The following STK33 variants were observed in gnomAD, a reference collection of about 807,000 sequenced individuals.
STK33 encodes the protein serine/threonine kinase 33, also known as serine/threonine-protein kinase 33.
A neutral mutation model predicts 58.0 loss-of-function variants in STK33; 52 were observed. The observed-to-expected ratio is 0.90, with a 90% CI of 0.72 to 1.13. The LOEUF (loss-of-function observed/expected upper bound fraction) is 1.13. Among genes scored for constraint, STK33 ranks in the 50% most tolerant of loss-of-function variants. The pLI is 0.00. For synonymous variants in STK33, 215 were observed against 200.1 expected (o/e 1.07, Z -0.63); for missense variants, 630 against 604.2 (o/e 1.04, Z -0.45).
chr11:8,491,081 C>A (rs1168008314), intron 1 of STK33, among the ~76,000 whole-genome samples: 1 of 152,152 alleles, frequency 6.6e-6, no homozygotes, highest in African/African-American at 2.4e-5. Context: ...CAAAGCTGGA[C>A]AGACAATGAT....
chr11:8,364,774 A>T, the STK33 span, among the ~76,000 whole-genome samples: 1 of 152,144 alleles, frequency 6.6e-6, no homozygotes, highest in African/African-American at 2.4e-5. Context: ...GCCACAATTT[A>T]TTTATCCCTT....
intron 14 of STK33, among the ~76,000 whole-genome samples, chr11:8,428,146 CA>C (rs1942995835): frequency 6.6e-6 from 1 of 152,170 alleles, no homozygotes; most frequent in South Asian, 2.1e-4. Context: ...TAAAGTACAC[CA>C]AAAGTATCAG....
At chr11:8,421,643 CTGAA>C (rs1341156153) in intron 14 of STK33, among the ~76,000 whole-genome samples, 5 of 152,184 alleles carry the variant, frequency 3.3e-5, no homozygotes, top group Non-Finnish European at 5.9e-5. Flanking sequence ...TGTATTTGCA[CTGAA>C]TATGTATATC....
chr11:8,392,658 A>C lies in STK33; in HGVS notation c.1397T>G (p.Met466Arg). 6.2e-7 allele frequency: 1 copy of C among 1,614,224 alleles called. No individual in the cohort carries two copies. Among genetic ancestry groups the C allele is most frequent in the Non-Finnish European group, 8.5e-7 (1 of 1,180,050 alleles). Reference sequence around the variant, plus strand: ...GCTAGATGTGAAACTTGAACTGCACATATCAAAGTTGTCCTTACTGGTTGC... The same window carrying C: ...GCTAGATGTGAAACTTGAACTGCACCTATCAAAGTTGTCCTTACTGGTTGC... Reference protein sequence around the residue: ...FPATSKDNFDMCSSSFTSSKL... With the variant: ...FPATSKDNFDRCSSSFTSSKL... The change falls in exon 16 of 16, where the codon ATG (methionine) becomes AGG (arginine). Residue 466 changes from methionine (M) to arginine (R), a missense_variant. Met to Arg is a moderately conservative substitution (Grantham distance 91, BLOSUM62 -1). Transcript: ENST00000687296.
At chr11:8,533,116 C>G (rs552868768) in intron 1 of STK33, among the ~76,000 whole-genome samples, 1 of 152,138 alleles carries the variant, frequency 6.6e-6, no homozygotes, top group Non-Finnish European at 1.5e-5. Flanking sequence ...TGAAAATGTC[C>G]TTATTGTCAA....
At position 8,457,448 on chromosome 11, in the gene STK33, T is replaced by A; in HGVS notation, c.590A>T (p.Asp197Val). 2 of 1,603,618 alleles carry A rather than the reference T, an allele frequency of 1.2e-6. No individual in the cohort carries two copies. Among genetic ancestry groups the A allele is most frequent in the African/African-American group, 2.7e-5 (2 of 74,924 alleles). ...KMYLVMELCE[D>V]GELKEILDRK... ...ATCCAGAATTTCTTTGAGTTCTCCATCCTCACAAAGCTCCATCACAAGGTA... is the reference window on the plus strand; with the variant it reads ...ATCCAGAATTTCTTTGAGTTCTCCAACCTCACAAAGCTCCATCACAAGGTA... Residue 197 changes from aspartate (D) to valine (V), a missense_variant, in exon 9 of 16, where the codon GAT (aspartate) becomes GTT (valine). By Grantham distance (152) the Asp-to-Val change is radical. Coordinates refer to ENST00000687296, the MANE Select transcript of STK33 (RefSeq NM_001352389.2).
intron 12 of STK33, among the ~76,000 whole-genome samples, chr11:8,439,307 A>AAT (rs1401032151): frequency 1.3e-5 from 2 of 152,080 alleles, no homozygotes; most frequent in Non-Finnish European, 2.9e-5. Context: ...AAACAGATAC[A>AAT]ATATATATAA....
chr11:8,543,358 C>A (rs1002532245), intron 1 of STK33, among the ~76,000 whole-genome samples: 1 of 152,076 alleles, frequency 6.6e-6, no homozygotes, highest in Admixed American at 6.6e-5. Flanking sequence ...GATAAACCAA[C>A]GTATTTCAAA....
At chr11:8,362,839 CCTCT>C in the STK33 span, among the ~76,000 whole-genome samples, 2 of 151,758 alleles carry the variant, frequency 1.3e-5, no homozygotes, top group African/African-American at 2.4e-5. Context: ...TCCCTCCATC[CCTCT>C]CTTTCTGCCT....
chr11:8,385,868 G>A, the STK33 span, among the ~76,000 whole-genome samples: 9 of 151,586 alleles, frequency 5.9e-5, no homozygotes, highest in South Asian at 2.1e-4. Flanking sequence ...TCCGCCTCCC[G>A]GGTTCACGCC....
chr11:8,502,735 C>T (rs1591516047), intron 1 of STK33, among the ~76,000 whole-genome samples: 1 of 152,308 alleles, frequency 6.6e-6, no homozygotes, highest in African/African-American at 2.4e-5. Flanking sequence ...AACTATGCAA[C>T]TGACAAGGGT....
At position 8,534,732 on chromosome 11, in the gene STK33, C is replaced by T. The variant is rs1398512170; in HGVS notation, c.-465-54118G>A. 2.0e-5 allele frequency among the ~76,000 whole-genome samples: 3 copies of T among 151,808 alleles called. No individual in the cohort carries two copies. In the East Asian group the frequency reaches 5.8e-4, roughly 29 times the overall value. On this transcript the variant is annotated intron_variant, in intron 1 of 15. Transcript: ENST00000687296. ...ATCCATTGAAAACAAATCTGTGGTTCCAGTGGGCATTATACTGTTTTGAGT... is the reference window on the plus strand; with the variant it reads ...ATCCATTGAAAACAAATCTGTGGTTTCAGTGGGCATTATACTGTTTTGAGT...
At chr11:8,418,990 G>C (rs1038620538) in intron 14 of STK33, among the ~76,000 whole-genome samples, 2 of 151,912 alleles carry the variant, frequency 1.3e-5, no homozygotes, top group African/African-American at 4.8e-5. Context: ...CTGGGTATTA[G>C]ACCTTTGTTA....
chr11:8,592,258 G>A (rs1255339650), intron 1 of STK33, among the ~76,000 whole-genome samples: 1 of 152,144 alleles, frequency 6.6e-6, no homozygotes, highest in Non-Finnish European at 1.5e-5. Flanking sequence ...CAGCATAGTG[G>A]TTCCTGCCTG....
intron 11 of STK33, among the ~76,000 whole-genome samples, chr11:8,448,914 A>T (rs1015246587): frequency 1.3e-5 from 2 of 149,010 alleles, no homozygotes; most frequent in Non-Finnish European, 2.9e-5. Context: ...CAGAATCTAC[A>T]ATGAACTCAA....
chr11:8,508,264 TTC>T (rs1952023571), intron 1 of STK33, among the ~76,000 whole-genome samples: 1 of 120,742 alleles, frequency 8.3e-6, no homozygotes, highest in Non-Finnish European at 1.7e-5. Context: ...CTACCTTCTA[TTC>T]TTTTTTTTTT....
intron 1 of STK33, among the ~76,000 whole-genome samples, chr11:8,560,932 T>C (rs1327982027): frequency 6.6e-6 from 1 of 152,192 alleles, no homozygotes. Context: ...CAGGCTGTTA[T>C]CTACTGACTC....
chr11:8,447,901 C>T (rs1343486537), intron 11 of STK33, among the ~76,000 whole-genome samples: 1 of 152,168 alleles, frequency 6.6e-6, no homozygotes, highest in East Asian at 1.9e-4. Context: ...CTGTCTCAGC[C>T]TAAAATCTCC....
chr11:8,349,536 C>T, the STK33 span, among the ~76,000 whole-genome samples: 6 of 152,208 alleles, frequency 3.9e-5, no homozygotes, highest in African/African-American at 1.4e-4. Flanking sequence ...TTTCTGTGAG[C>T]TCCTCCCCAC....
Sources: allele counts gnomAD v4.1 joint callset (sites outside exome capture counted in the v4.1 genomes callset), GRCh38; gene constraint gnomAD v4.1.1; transcripts MANE v1.5; gene names NCBI Gene and HGNC (gene_info 2026-07-23, HGNC 2026-07-21).